GP2: variants seen among roughly 807,000 people sequenced by gnomAD.
GP2 encodes glycoprotein 2.
A neutral mutation model predicts 60.8 loss-of-function variants in GP2; 58 were observed. The observed-to-expected ratio is 0.95, with a 90% CI of 0.77 to 1.19. The LOEUF is 1.19. GP2 is among the 50% of genes most tolerant of loss of function. The pLI is 0.00. For missense variants in GP2, 647 were observed against 667.4 expected (o/e 0.97, Z 0.34); for synonymous variants, 280 against 253.4 (o/e 1.10, Z -1.00).
chr16:20,311,156 A>T lies in GP2; in HGVS notation c.*67T>A, dbSNP rs1364203905. The T allele has an allele frequency of 4.3e-6, 4 of 930,300 alleles. No homozygotes were observed. The highest frequency in any genetic ancestry group is 7.2e-6 in the Non-Finnish European group (4 of 556,984). 57.6% of individuals were successfully genotyped at this position (930,300 alleles called of 1,614,324 possible). On this transcript the variant is annotated 3_prime_UTR_variant, in exon 11 of 11. Coordinates refer to ENST00000302555, the MANE Select transcript of GP2 (RefSeq NM_001502.4). ...TGTGTGAATTGGAGTGGAAAGCAGA[A>T]GTGCTGAAGGGAGCCATTGCCAGAG...
intron 6 of GP2, 125 bp from the exon 7 acceptor site, chr16:20,318,555 C>A: frequency 1.2e-6 from 1 of 826,452 alleles, no homozygotes; most frequent in East Asian, 2.5e-5. Flanking sequence ...ACTAGTCAAT[C>A]AGTCGTTTAA....
chr16:20,323,490 C>CA, intron 3 of GP2: 1 of 618,304 alleles, frequency 1.6e-6, no homozygotes, highest in Non-Finnish European at 3.0e-6. Flanking sequence ...GCTGTACCCC[C>CA]CCCCCCTTTT....
intron 4 of GP2, among the ~76,000 whole-genome samples, chr16:20,322,663 G>A (rs1320195102): frequency 6.6e-6 from 1 of 152,128 alleles, no homozygotes; most frequent in Non-Finnish European, 1.5e-5. Context: ...CGGCCCAGCA[G>A]CTGACCTGGA....
Position 20,323,924 on chromosome 16 carries a change from C to G in GP2, c.427G>C (p.Gly143Arg). Residue 143 changes from glycine to arginine, a missense_variant, in exon 3 of 11, where the codon GGC becomes CGC. Transcript: ENST00000302555. ...TCTGTTTTCCAGAAACAGCAGTTGCCACTCCAATGGGCACAGGCAGTGTGG... is the reference window on the plus strand; with the variant it reads ...TCTGTTTTCCAGAAACAGCAGTTGCGACTCCAATGGGCACAGGCAGTGTGG... ...TNHTACAHWS[G>R]NCCFWKTEVL... 1 of 1,614,064 alleles carries G rather than the reference C, an allele frequency of 6.2e-7. No homozygotes were observed. Among genetic ancestry groups the G allele is most frequent in the Non-Finnish European group, 8.5e-7 (1 of 1,179,892 alleles).
intron 3 of GP2, 69 bp from the exon 4 acceptor site, chr16:20,323,048 AACCCTTTC>A (rs1438949248): frequency 1.6e-5 from 13 of 822,582 alleles, no homozygotes; most frequent in Non-Finnish European, 2.5e-5. Context: ...CCCCAAGTCC[AACCCTTTC>A]ATTTCACCGG....
rs1198029619 is a variant in GP2, at chr16:20,315,987, C to T, written c.1470G>A (p.Arg490=). The change falls in exon 9 of 11, where the codon CGG becomes CGA. Residue 490 remains arginine, a synonymous_variant. Coordinates refer to ENST00000302555, the MANE Select transcript of GP2 (RefSeq NM_001502.4). Reference sequence around the variant, plus strand: ...GAGTGATGGGCCCCAAATCTAGAACCCGGGCTAGGTCGATGGCCGGTACTT... The same window carrying T: ...GAGTGATGGGCCCCAAATCTAGAACTCGGGCTAGGTCGATGGCCGGTACTT... The part of the protein sequence containing the change: ...RSEVPAIDLA[R]VLDLGPITRR... 2.4e-5 allele frequency: 39 copies of T among 1,613,338 alleles called. No individual in the cohort carries two copies. Among genetic ancestry groups the T allele is most frequent in the Non-Finnish European group, 3.3e-5 (39 of 1,179,338 alleles).
intron 8 of GP2, 35 bp from the exon 9 acceptor site, chr16:20,316,075 T>C (rs771182590): frequency 1.5e-6 from 2 of 1,353,072 alleles, no homozygotes; most frequent in African/African-American, 1.4e-5. Context: ...ATATCAAAAT[T>C]TAAATGCCTG....
At chr16:20,316,154 C>A in intron 8 of GP2, 114 bp from the exon 9 acceptor site, 1 of 654,046 alleles carries the variant, frequency 1.5e-6, no homozygotes. Context: ...CTGGTTCACG[C>A]TATGGCCCTA....
rs150654159 is a variant in GP2 at position 20,320,579 on chromosome 16, AG to A, written c.647-107del. On this transcript the variant is annotated intron_variant, in intron 4 of 10. Coordinates refer to ENST00000302555, the MANE Select transcript of GP2 (RefSeq NM_001502.4). The stretch of plus-strand genomic sequence containing the variant: ...GACCCAGAAGATTATGTAGACTAGA[AG>A]GTCCCTGGGATCCAGATGGAATTCA... 273 of 768,678 alleles carry A rather than the reference AG, an allele frequency of 3.6e-4. 1 individual carries two copies. In the African/African-American group the frequency reaches 4.2e-3, roughly 12 times the overall value. The allele number at this position is 768,678 out of a possible 1,614,324, so 47.6% of individuals were successfully genotyped here. A position where few individuals can be genotyped will look rare whatever the true frequency, so the allele number is the denominator to read the frequency against.
At chr16:20,317,183 C>A in intron 8 of GP2, 30 bp downstream of exon 8, 1 of 1,552,490 alleles carries the variant, frequency 6.4e-7, no homozygotes, top group South Asian at 1.1e-5. Flanking sequence ...ATGCCAGGCT[C>A]TGAAGAGTTC....
In GP2 at chr16:20,315,990, G is replaced by T. The variant is rs1330728815; in HGVS notation, c.1467C>A (p.Ala489=). 2 of 1,613,404 alleles carry T rather than the reference G, an allele frequency of 1.2e-6. No homozygotes were observed. The highest frequency in any genetic ancestry group is 1.7e-6 in the Non-Finnish European group (2 of 1,179,408). ...TGATGGGCCCCAAATCTAGAACCCG[G>T]GCTAGGTCGATGGCCGGTACTTCAC... ...VRSEVPAIDL[A]RVLDLGPITR... is the part of the protein sequence containing the mutation. The change falls in exon 9 of 11, where the codon GCC becomes GCA. Residue 489 remains alanine, a synonymous_variant. Coordinates refer to ENST00000302555, the MANE Select transcript of GP2 (RefSeq NM_001502.4).
chr16:20,310,091 A>T lies in GP2; in HGVS notation c.*1132T>A, dbSNP rs1249015814. 1 of 152,232 alleles carries T rather than the reference A, an allele frequency of 6.6e-6. No individual in the cohort carries two copies. The highest frequency in any genetic ancestry group is 1.5e-5 in the Non-Finnish European group (1 of 68,076). 9.4% of individuals were successfully genotyped at this position (152,232 alleles called of 1,614,324 possible). A position where few individuals can be genotyped will look rare whatever the true frequency, so the allele number is the denominator to read the frequency against. On this transcript the variant is annotated 3_prime_UTR_variant, in exon 11 of 11. Coordinates refer to ENST00000302555, the MANE Select transcript of GP2 (RefSeq NM_001502.4). ...GTATGTGTGATGCCCTATTTGCTGC[A>T]TCTGTGTCGGGTGCTTTGAAGTACT...
In GP2 at chr16:20,324,167, G is replaced by C; in HGVS notation, c.184C>G (p.Pro62Ala). Residue 62 changes from proline (P) to alanine (A), a missense_variant, in exon 3 of 11, where the codon CCC becomes GCC. Transcript: ENST00000302555. ...GTPEAHVCFDPCQNYTLLDEP... is the reference protein window; with the variant it reads ...GTPEAHVCFDACQNYTLLDEP... ...TCCAGGAGGGTGTAATTCTGACAGG[G>C]GTCAAAACAGACATGAGCCTCTGGG... is the stretch of plus-strand genomic sequence containing the variant. The C allele has an allele frequency of 6.2e-7, 1 of 1,613,790 alleles. No individual in the cohort carries two copies. Among genetic ancestry groups the C allele is most frequent in the East Asian group, 2.2e-5 (1 of 44,886 alleles).
At chr16:20,314,783 C>G in intron 9 of GP2, 82 bp from the exon 10 acceptor site, 2 of 976,510 alleles carry the variant, frequency 2.0e-6, no homozygotes, top group Non-Finnish European at 3.3e-6. Context: ...GCTTCACATC[C>G]TCCTAGACCT....
In GP2 at chr16:20,311,082, C is replaced by CTTCCCTT; in HGVS notation, c.*134_*140dup. 1.7e-6 allele frequency: 1 copy of CTTCCCTT among 604,324 alleles called. No individual in the cohort carries two copies. Among genetic ancestry groups the CTTCCCTT allele is most frequent in the Non-Finnish European group, 3.0e-6 (1 of 330,028 alleles). 37.4% of individuals were successfully genotyped at this position (604,324 alleles called of 1,614,324 possible). A position where few individuals can be genotyped will look rare whatever the true frequency, so the allele number is the denominator to read the frequency against. On this transcript the variant is annotated 3_prime_UTR_variant, in exon 11 of 11. Transcript: ENST00000302555. ...GAGAGTTTTAAAGAAGGTGAAAGCT[C>CTTCCCTT]TTCCCTTTTCCTAACCTAGCTTGGC...
In GP2 at chr16:20,310,205, G is replaced by C. The variant is rs1209018707; in HGVS notation, c.*1018C>G. On this transcript the variant is annotated 3_prime_UTR_variant, in exon 11 of 11. Transcript: ENST00000302555. ...CAGGACTGGTGCATTGCTTCTGTTG[G>C]GACTTCTTGCTTAATCCTTCAGAGC... 1 of 152,128 alleles carries C rather than the reference G, an allele frequency of 6.6e-6. No homozygotes were observed. The highest frequency in any genetic ancestry group is 1.5e-5 in the Non-Finnish European group (1 of 68,038). The allele number at this position is 152,128 out of a possible 1,614,324, so 9.4% of individuals were successfully genotyped here.
In GP2 at chr16:20,312,643, T is replaced by C. The variant is rs533968717; in HGVS notation, c.1547-1362A>G. On this transcript the variant is annotated intron_variant, in intron 10 of 10. Coordinates refer to ENST00000302555, the MANE Select transcript of GP2 (RefSeq NM_001502.4). ...AGAAAGGAATGAGACTTGAGGTTCT[T>C]GACTTCAAGCTGCTTTTTTTTTTTT... 8.0e-5 allele frequency among the ~76,000 whole-genome samples: 12 copies of C among 150,874 alleles called. No individual in the cohort carries two copies. In the East Asian group the frequency reaches 1.9e-3, roughly 24 times the overall value.
chr16:20,316,140 A>G (rs1402464369), intron 8 of GP2, 100 bp from the exon 9 acceptor site: 2 of 741,544 alleles, frequency 2.7e-6, no homozygotes, highest in Non-Finnish European at 4.8e-6. Context: ...AACTGTGTCC[A>G]GAACTGGTTC....
chr16:20,321,328 T>C (rs193248419), intron 4 of GP2, among the ~76,000 whole-genome samples: 42 of 152,220 alleles, frequency 2.8e-4, no homozygotes, highest in Admixed American at 2.2e-3. Flanking sequence ...TCCCAAACTG[T>C]TGGGATTACA....
Sources: gnomAD v4.1 joint callset for allele counts (sites outside exome capture counted in the v4.1 genomes callset) on GRCh38, gnomAD v4.1.1 for gene constraint, MANE v1.5 for transcripts, NCBI Gene and HGNC (gene_info 2026-07-23, HGNC 2026-07-21) for gene names.